PGGT1B: variants seen among roughly 807,000 people sequenced by gnomAD.
PGGT1B encodes the protein protein geranylgeranyltransferase type I subunit beta.
A neutral mutation model predicts 46.1 loss-of-function variants in PGGT1B; 30 were observed. The ratio of observed to expected loss-of-function variants is 0.65; its 90% confidence interval spans 0.49 to 0.88. The LOEUF (loss-of-function observed/expected upper bound fraction) is 0.88. PGGT1B is among the 40% of genes least tolerant of loss of function. PGGT1B has a pLI of 0.00. For missense variants in PGGT1B, 376 were observed against 455.9 expected, an observed-to-expected ratio of 0.82 and a Z score of 1.60; for synonymous variants, 170 against 160.0, an observed-to-expected ratio of 1.06 and a Z score of -0.47.
rs1756103819 is a variant in PGGT1B at position 115,207,636 on chromosome 5, T to C, written c.*4766A>G. On this transcript the variant is annotated 3_prime_UTR_variant, in exon 9 of 9. Coordinates refer to ENST00000419445, the MANE Select transcript of PGGT1B (RefSeq NM_005023.4). ...AAGCCTACTGATATTTTTATGTAAA[T>C]TGTATTTAATAGCTACTTTACTAAG... is the stretch of plus-strand genomic sequence containing the variant. 6.6e-6 allele frequency: 1 copy of C among 152,068 alleles called. No individual in the cohort carries two copies. The allele number at this position is 152,068 out of a possible 1,614,324, so 9.4% of individuals were successfully genotyped here.
intron 6 of PGGT1B, among the ~76,000 whole-genome samples, chr5:115,224,812 C>T (rs538693201): frequency 2.9e-5 from 4 of 138,828 alleles, no homozygotes; most frequent in East Asian, 2.0e-4. Flanking sequence ...CCAGCCTGGG[C>T]GACAGAGAGA....
intron 1 of PGGT1B, among the ~76,000 whole-genome samples, chr5:115,257,113 T>C (rs756868293): frequency 6.6e-6 from 1 of 152,120 alleles, no homozygotes; most frequent in Non-Finnish European, 1.5e-5. Context: ...CCAATCAAGT[T>C]GCTTTACCAA....
chr5:115,217,380 A>G (rs557725004), intron 7 of PGGT1B, among the ~76,000 whole-genome samples: 23 of 152,264 alleles, frequency 1.5e-4, no homozygotes, highest in African/African-American at 4.8e-4. Context: ...ATTTTTTAAA[A>G]AAAGAGCAAA....
In PGGT1B at chr5:115,206,391, A is replaced by G. The variant is rs1249947337; in HGVS notation, c.*6011T>C. 1.3e-5 allele frequency: 2 copies of G among 151,988 alleles called. No homozygotes were observed. Among genetic ancestry groups the G allele is most frequent in the African/African-American group, 4.8e-5 (2 of 41,440 alleles). The allele number at this position is 151,988 out of a possible 1,614,324, so 9.4% of individuals were successfully genotyped here. A position where few individuals can be genotyped will look rare whatever the true frequency, so the allele number is the denominator to read the frequency against. On this transcript the variant is annotated 3_prime_UTR_variant, in exon 9 of 9. Transcript: ENST00000419445. ...AAAGGTTCAAAGTGAAATAAGCTAT[A>G]TATTTTTTAAAATTGTAAATATCTG...
At chr5:115,222,151 A>C (rs1435487985) in intron 6 of PGGT1B, 143 bp from the exon 7 acceptor site, 5 of 483,282 alleles carry the variant, frequency 1.0e-5, no homozygotes, top group African/African-American at 8.1e-5. Flanking sequence ...AGATTTTAAA[A>C]TAACCACTAA....
At chr5:115,259,282 A>G (rs1388502976) in intron 1 of PGGT1B, among the ~76,000 whole-genome samples, 2 of 152,174 alleles carry the variant, frequency 1.3e-5, no homozygotes, top group South Asian at 2.1e-4. Flanking sequence ...ACAGAATCCA[A>G]TGAAGGTCTG....
intron 3 of PGGT1B, among the ~76,000 whole-genome samples, chr5:115,238,941 T>C (rs2127013438): frequency 6.6e-6 from 1 of 152,310 alleles, no homozygotes; most frequent in East Asian, 1.9e-4. Context: ...AAGATTTTCT[T>C]GCATACTTAC....
intron 7 of PGGT1B, among the ~76,000 whole-genome samples, chr5:115,218,629 A>T (rs2126991702): frequency 6.6e-6 from 1 of 151,422 alleles, no homozygotes; most frequent in African/African-American, 2.4e-5. Flanking sequence ...TCTCTGTACA[A>T]AGTATATCTC....
intron 6 of PGGT1B, among the ~76,000 whole-genome samples, chr5:115,222,478 T>G (rs1580749124): frequency 6.6e-6 from 1 of 152,120 alleles, no homozygotes; most frequent in East Asian, 1.9e-4. Context: ...CTAGTCAGCT[T>G]AAGAATTTTA....
chr5:115,240,709 A>G (rs1049228942), intron 3 of PGGT1B, among the ~76,000 whole-genome samples: 2 of 152,220 alleles, frequency 1.3e-5, no homozygotes, highest in African/African-American at 4.8e-5. Flanking sequence ...GAAGCTGATT[A>G]CGGAAAAACT....
intron 2 of PGGT1B, 102 bp from the exon 3 acceptor site, chr5:115,241,708 C>G (rs1470831135): frequency 1.3e-6 from 1 of 782,018 alleles, no homozygotes; most frequent in Admixed American, 3.1e-5. Context: ...CTATTTTAGT[C>G]TCCATTTTCA....
intron 1 of PGGT1B, among the ~76,000 whole-genome samples, chr5:115,261,590 A>G (rs1311141901): frequency 6.6e-6 from 1 of 152,206 alleles, no homozygotes; most frequent in Non-Finnish European, 1.5e-5. Context: ...ACCAGATTGG[A>G]CAGGGCAGCC....
In PGGT1B at chr5:115,212,531, A is replaced by T. The variant is rs371363920; in HGVS notation, c.1005T>A (p.Ser335Arg). Reference protein sequence around the residue: ...GICGLSLMEESGICKVHPALN... With the variant: ...GICGLSLMEERGICKVHPALN... Reference sequence around the variant, plus strand: ...GAGCAGGATGAACTTTACAAATTCCACTTTCCTCCATTAGTGACAGGCCAC... The same window carrying T: ...GAGCAGGATGAACTTTACAAATTCCTCTTTCCTCCATTAGTGACAGGCCAC... The change falls in exon 9 of 9, where the codon AGT (serine) becomes AGA (arginine). Residue 335 changes from serine to arginine, a missense_variant. By Grantham distance (110) the Ser-to-Arg change is moderately radical. Transcript: ENST00000419445. 2.0e-5 allele frequency: 33 copies of T among 1,613,532 alleles called. No individual in the cohort carries two copies. The highest frequency in any genetic ancestry group is 2.7e-5 in the Non-Finnish European group (32 of 1,179,702).
intron 5 of PGGT1B, among the ~76,000 whole-genome samples, chr5:115,233,069 A>G (rs1757047389): frequency 6.6e-6 from 1 of 152,038 alleles, no homozygotes; most frequent in Admixed American, 6.6e-5. Context: ...TTATCAGAAA[A>G]AATAAAAATC....
intron 6 of PGGT1B, among the ~76,000 whole-genome samples, chr5:115,229,045 C>T (rs265436): frequency 0.72 from 109,794 of 152,086 alleles, 40,882 homozygotes; most frequent in African/African-American, 0.92. Flanking sequence ...GGTTGCCAAA[C>T]TGCAGGACTA....
chr5:115,211,950 C>T lies in PGGT1B; in HGVS notation c.*452G>A, dbSNP rs1259101891. ...TGGTCATCTGTTTTCAAAGAATAAT[C>T]CCAGATACTTAATTAATTAAAGCAA... On this transcript the variant is annotated 3_prime_UTR_variant, in exon 9 of 9. Coordinates refer to ENST00000419445, the MANE Select transcript of PGGT1B (RefSeq NM_005023.4). The T allele has an allele frequency of 3.2e-5, 5 of 155,612 alleles. No individual in the cohort carries two copies. The highest frequency in any genetic ancestry group is 6.3e-5 in the Admixed American group (1 of 15,882). The allele number at this position is 155,612 out of a possible 1,614,324, so 9.6% of individuals were successfully genotyped here.
At chr5:115,238,098 G>T in intron 3 of PGGT1B, 89 bp from the exon 4 acceptor site, 2 of 920,302 alleles carry the variant, frequency 2.2e-6, no homozygotes, top group Non-Finnish European at 3.3e-6. Flanking sequence ...TTAGTAAATA[G>T]TAAAATTAAA....
At chr5:115,249,205 T>C (rs954157874) in intron 2 of PGGT1B, among the ~76,000 whole-genome samples, 1 of 152,092 alleles carries the variant, frequency 6.6e-6, no homozygotes, top group African/African-American at 2.4e-5. Context: ...CACATTTATA[T>C]AGATTGTTAA....
chr5:115,255,156 T>A (rs1439761241), intron 1 of PGGT1B, among the ~76,000 whole-genome samples: 1 of 152,234 alleles, frequency 6.6e-6, no homozygotes, highest in East Asian at 1.9e-4. Context: ...CCATTATCCT[T>A]GGTCTTTGCC....
Sources: allele counts gnomAD v4.1 joint callset (sites outside exome capture counted in the v4.1 genomes callset), GRCh38; gene constraint gnomAD v4.1.1; transcripts MANE v1.5; gene names NCBI Gene and HGNC (gene_info 2026-07-23, HGNC 2026-07-21).